SNX13: variants seen among roughly 807,000 people sequenced by gnomAD.
The protein encoded by SNX13 is sorting nexin-13.
In SNX13, 45 loss-of-function variants were observed where a neutral mutation model predicts 133.6. The observed-to-expected ratio is 0.34, with a 90% confidence interval of 0.27 to 0.43. The LOEUF (loss-of-function observed/expected upper bound fraction) is 0.43, where lower values mean the gene tolerates loss of function less well. Among genes scored for constraint, SNX13 ranks in the 20% least tolerant of loss-of-function variants. The probability of loss-of-function intolerance (pLI) is 1.00; values close to 1 mark genes in which losing one functional copy is unlikely to be tolerated. For missense variants in SNX13, 1,032 were observed against 1,145.1 expected (o/e 0.90, Z 1.43); for synonymous variants, 414 against 373.9 (o/e 1.11, Z -1.24).
In SNX13 at chr7:17,852,319, G is replaced by C. The variant is rs373620736; in HGVS notation, c.838-1355C>G. 3.9e-5 allele frequency among the ~76,000 whole-genome samples: 6 copies of C among 152,262 alleles called. No homozygotes were observed. In the East Asian group the frequency reaches 7.7e-4, roughly 20 times the overall value. ...GCCCAGGAGGCGGAGGTTGAAGTGA[G>C]CTGAGATCGTGCCACTGTACTCCAG... is the stretch of plus-strand genomic sequence containing the variant. On this transcript the variant is annotated intron_variant, in intron 9 of 25. Coordinates refer to ENST00000428135, the MANE Select transcript of SNX13 (RefSeq NM_015132.5).
chr7:17,889,495 G>C (rs536410556), intron 5 of SNX13: 1 of 150,566 alleles, frequency 6.6e-6, no homozygotes, highest in South Asian at 2.1e-4. Context: ...TATTTTAATG[G>C]AATAAAAAAA....
chr7:17,905,448 G>A lies in SNX13; in HGVS notation c.13-8002C>T, dbSNP rs574534470. On this transcript the variant is annotated intron_variant, in intron 1 of 25. Coordinates refer to ENST00000428135, the MANE Select transcript of SNX13 (RefSeq NM_015132.5). ...CACATTGATTCACAGAGTGTTTGGG[G>A]AATACAGAAAAGATAATGCCTTTAG... is the stretch of plus-strand genomic sequence containing the variant. Among the ~76,000 whole-genome samples, 553 of 152,244 alleles carry A rather than the reference G, an allele frequency of 3.6e-3. 5 individuals carry two copies. Among genetic ancestry groups the A allele is most frequent in the African/African-American group, 0.013 (530 of 41,530 alleles).
At chr7:17,820,169 A>G (rs1174240149) in intron 18 of SNX13, among the ~76,000 whole-genome samples, 1 of 152,162 alleles carries the variant, frequency 6.6e-6, no homozygotes, top group Non-Finnish European at 1.5e-5. Flanking sequence ...TCTTAACTAG[A>G]AAGAAAATTA....
Position 17,805,254 on chromosome 7 carries a change from TGCGC to T in SNX13, c.2065-1678_2065-1675del, listed in dbSNP as rs56000068. Among the ~76,000 whole-genome samples, 87 of 132,522 alleles carry T rather than the reference TGCGC, an allele frequency of 6.6e-4. 1 individual carries two copies. Among genetic ancestry groups the T allele is most frequent in the Middle Eastern group, 7.5e-3 (2 of 266 alleles). 86.9% of individuals were successfully genotyped at this position (132,522 alleles called of 152,430 possible). ...GTGTGTGTGTGTGTGTGTGTGTGCG[TGCGC>T]GCGCGCGCATGCATGCACATGTGTA... On this transcript the variant is annotated intron_variant, in intron 20 of 25. Coordinates refer to ENST00000428135, the MANE Select transcript of SNX13 (RefSeq NM_015132.5).
chr7:17,843,293 C>G (rs912764136), intron 12 of SNX13, among the ~76,000 whole-genome samples: 4 of 152,010 alleles, frequency 2.6e-5, no homozygotes, highest in African/African-American at 9.7e-5. Context: ...ACACTAGTAT[C>G]AGCTGAAATA....
rs868561101 is a variant in SNX13 at position 17,834,165 on chromosome 7, C to A, written c.1484G>T (p.Arg495Leu). ...IQRKVYELMLRDERFYPSFRQ... is the reference protein window; with the variant it reads ...IQRKVYELMLLDERFYPSFRQ... ...GAAGGAAGGATAAAATCTTTCATCT[C>A]GTAGCATCAATTCATATACCTTGGT... is the stretch of plus-strand genomic sequence containing the variant. The change falls in exon 15 of 26, where the codon CGA becomes CTA. Residue 495 changes from arginine to leucine, a missense_variant. Arg to Leu is a moderately radical substitution (Grantham distance 102, BLOSUM62 -2). Transcript: ENST00000428135. 1.9e-6 allele frequency: 3 copies of A among 1,585,010 alleles called. No individual in the cohort carries two copies. The highest frequency in any genetic ancestry group is 2.7e-5 in the African/African-American group (2 of 74,298).
At chr7:17,820,740 T>G (rs1048101155) in intron 18 of SNX13, among the ~76,000 whole-genome samples, 1 of 152,104 alleles carries the variant, frequency 6.6e-6, no homozygotes, top group Non-Finnish European at 1.5e-5. Context: ...GCTCACCCAA[T>G]CAGATGTCAC....
intron 1 of SNX13, among the ~76,000 whole-genome samples, chr7:17,919,896 C>T (rs1799943998): frequency 6.6e-6 from 1 of 151,938 alleles, no homozygotes; most frequent in East Asian, 1.9e-4. Context: ...TTTGGGAGGC[C>T]AAGGCAGTAG....
chr7:17,834,951 T>G, intron 13 of SNX13, 86 bp from the exon 14 acceptor site: 2 of 779,856 alleles, frequency 2.6e-6, no homozygotes, highest in Non-Finnish European at 4.0e-6. Context: ...GGAATCATAT[T>G]ATTGAAAATA....
chr7:17,831,987 G>A lies in SNX13; in HGVS notation c.1598-1940C>T, dbSNP rs948483822. ...ACTTTTTTTGAATGGTTTCAAAAAA[G>A]GGATAGGTAATTTCACAGTATAAAA... On this transcript the variant is annotated intron_variant, in intron 15 of 25. Coordinates refer to ENST00000428135, the MANE Select transcript of SNX13 (RefSeq NM_015132.5). 9 of 983,436 alleles carry A rather than the reference G, an allele frequency of 9.2e-6. No homozygotes were observed. In the African/African-American group the frequency reaches 1.4e-4, roughly 15 times the overall value. 60.9% of individuals were successfully genotyped at this position (983,436 alleles called of 1,614,324 possible).
chr7:17,919,030 G>A (rs1562524235), intron 1 of SNX13, among the ~76,000 whole-genome samples: 1 of 152,134 alleles, frequency 6.6e-6, no homozygotes, highest in Non-Finnish European at 1.5e-5. Flanking sequence ...AAAAGTAGGA[G>A]CTAAACATTG....
chr7:17,884,379 A>G (rs772518317), intron 5 of SNX13, among the ~76,000 whole-genome samples: 1 of 152,248 alleles, frequency 6.6e-6, no homozygotes, highest in African/African-American at 2.4e-5. Context: ...TGTCAGTAAT[A>G]AAGATACCTA....
intron 1 of SNX13, among the ~76,000 whole-genome samples, chr7:17,906,549 C>T (rs1180043720): frequency 6.6e-6 from 1 of 152,104 alleles, no homozygotes; most frequent in African/African-American, 2.4e-5. Flanking sequence ...AAAAATCACA[C>T]CTCCTTTACT....
At chr7:17,801,018 A>ATATATATATATATATACGTG (rs1467379898) in intron 22 of SNX13, among the ~76,000 whole-genome samples, 2 of 11,738 alleles carry the variant, frequency 1.7e-4, no homozygotes, top group African/African-American at 4.3e-4. Context: ...ACATATATAT[A>ATATATATATATATATACGTG]TATATATATA....
intron 8 of SNX13, among the ~76,000 whole-genome samples, chr7:17,870,985 A>T (rs1217964880): frequency 6.6e-6 from 1 of 151,966 alleles, no homozygotes; most frequent in Non-Finnish European, 1.5e-5. Context: ...TGATAGAATA[A>T]GAGGAATCGG....
intron 5 of SNX13, among the ~76,000 whole-genome samples, chr7:17,878,902 C>G (rs983876386): frequency 1.3e-5 from 2 of 152,138 alleles, no homozygotes; most frequent in African/African-American, 4.8e-5. Flanking sequence ...ATTCCCTCTA[C>G]CAAATTTGCT....
At chr7:17,931,672 T>C in intron 1 of SNX13, among the ~76,000 whole-genome samples, 1 of 152,204 alleles carries the variant, frequency 6.6e-6, no homozygotes, top group South Asian at 2.1e-4. Context: ...GGATTCACCT[T>C]AGGGTCTTCA....
At chr7:17,838,710 A>G (rs1373325276) in intron 13 of SNX13, among the ~76,000 whole-genome samples, 2 of 151,822 alleles carry the variant, frequency 1.3e-5, no homozygotes, top group Non-Finnish European at 2.9e-5. Flanking sequence ...TTGTTGACTC[A>G]GAGGCTATTT....
chr7:17,871,983 G>C (rs1415991964), intron 8 of SNX13, among the ~76,000 whole-genome samples: 1 of 152,160 alleles, frequency 6.6e-6, no homozygotes, highest in South Asian at 2.1e-4. Flanking sequence ...AAGGCACACA[G>C]GATATGGAGG....
Sources: allele counts gnomAD v4.1 joint callset (sites outside exome capture counted in the v4.1 genomes callset), GRCh38; gene constraint gnomAD v4.1.1; transcripts MANE v1.5; gene names NCBI Gene and HGNC (gene_info 2026-07-23, HGNC 2026-07-21).